Variants in FLT3 observed in about 807,000 individuals in gnomAD.
FLT3 encodes receptor-type tyrosine-protein kinase FLT3.
FLT3 carries 46 observed loss-of-function variants against 126.6 expected under a neutral mutation model. That is an observed-to-expected ratio of 0.36 (90% CI 0.29 to 0.46). The LOEUF is 0.46. FLT3 is among the 20% of genes least tolerant of loss of function. The pLI is 1.00. For missense variants in FLT3, 1,069 were observed against 1,190.3 expected (o/e 0.90, Z 1.50); for synonymous variants, 404 against 434.4 (o/e 0.93, Z 0.87).
intron 1 of FLT3, among the ~76,000 whole-genome samples, chr13:28,077,336 G>A (rs1282691475): frequency 6.6e-6 from 1 of 152,068 alleles, no homozygotes; most frequent in Non-Finnish European, 1.5e-5. Context: ...CACATGGCTG[G>A]GGAGGTTTCA....
At position 28,080,331 on chromosome 13, in the gene FLT3, G is replaced by A. The variant is rs1049521225; in HGVS notation, c.44-9719C>T. On this transcript the variant is annotated intron_variant, in intron 1 of 23. Transcript: ENST00000241453. ...GTGGAGATTGCAGTTGGTGGAGATC[G>A]CACCACTGCTCTCCAGCCTTGGTGA... Among the ~76,000 whole-genome samples the A allele has an allele frequency of 4.6e-5, 7 of 152,264 alleles. No individual in the cohort carries two copies. In the East Asian group the frequency reaches 1.4e-3, roughly 29 times the overall value.
chr13:28,077,990 G>A (rs1434853120), intron 1 of FLT3, among the ~76,000 whole-genome samples: 3 of 152,234 alleles, frequency 2.0e-5, no homozygotes, highest in African/African-American at 7.2e-5. Flanking sequence ...GCATGCTGAT[G>A]CAAGAGGTGG....
chr13:28,091,928 G>A (rs1449430638), intron 1 of FLT3, among the ~76,000 whole-genome samples: 1 of 152,078 alleles, frequency 6.6e-6, no homozygotes, highest in African/African-American at 2.4e-5. Context: ...AAATTAGCCA[G>A]GCGTGGTGGA....
Position 28,003,541 on chromosome 13 carries a change from A to G in FLT3, c.*511T>C, listed in dbSNP as rs766372068. The G allele has an allele frequency of 4.6e-5, 11 of 238,266 alleles. No individual in the cohort carries two copies. The highest frequency in any genetic ancestry group is 7.5e-5 in the Non-Finnish European group (9 of 120,676). The allele number at this position is 238,266 out of a possible 1,614,324, so 14.8% of individuals were successfully genotyped here. On this transcript the variant is annotated 3_prime_UTR_variant, in exon 24 of 24. Coordinates refer to ENST00000241453, the MANE Select transcript of FLT3 (RefSeq NM_004119.3). ...ATGTGTAGGTGGCTATGGGTGCACA[A>G]TTTCAGGGGGTTCGTGAACTCCAGT...
At chr13:28,008,771 GC>G (rs780082531) in intron 23 of FLT3, among the ~76,000 whole-genome samples, 38 of 152,130 alleles carry the variant, frequency 2.5e-4, no homozygotes, top group South Asian at 1.5e-3. Flanking sequence ...GAGCTACCAC[GC>G]CTGGCTGATT....
chr13:28,023,780 AATTAAT>A (rs1872593857), intron 18 of FLT3, among the ~76,000 whole-genome samples: 1 of 146,988 alleles, frequency 6.8e-6, no homozygotes, highest in African/African-American at 2.6e-5. Context: ...GTGGGAAAGG[AATTAAT>A]ATTAATTGTC....
chr13:28,098,821 C>A (rs940243617), intron 1 of FLT3, among the ~76,000 whole-genome samples: 1 of 151,554 alleles, frequency 6.6e-6, no homozygotes, highest in Admixed American at 6.6e-5. Context: ...AAGGTTGAAT[C>A]TTATTATTAT....
intron 4 of FLT3, among the ~76,000 whole-genome samples, chr13:28,053,918 A>C (rs1180116127): frequency 6.6e-6 from 1 of 152,042 alleles, no homozygotes; most frequent in Non-Finnish European, 1.5e-5. Context: ...GTGCAATCTC[A>C]GCTCACTACA....
At chr13:28,027,033 C>T in intron 17 of FLT3, 55 bp downstream of exon 17, 2 of 1,512,520 alleles carry the variant, frequency 1.3e-6, no homozygotes, top group Non-Finnish European at 1.8e-6. Flanking sequence ...TTGAACAGCA[C>T]ACTTTGCCTA....
chr13:28,044,918 C>A (rs970341105), intron 9 of FLT3, among the ~76,000 whole-genome samples: 14 of 152,112 alleles, frequency 9.2e-5, no homozygotes, highest in Non-Finnish European at 1.8e-4. Flanking sequence ...ACTTACTGAA[C>A]AAGGCATTGT....
rs2137652637 is a variant in FLT3 at position 28,027,232 on chromosome 13, T to A, written c.2063A>T (p.Tyr688Phe). 1 of 1,609,604 alleles carries A rather than the reference T, an allele frequency of 6.2e-7. No individual in the cohort carries two copies. Among genetic ancestry groups the A allele is most frequent in the Non-Finnish European group, 8.5e-7 (1 of 1,177,778 alleles). Residue 688 changes from tyrosine to phenylalanine, a missense_variant, in exon 17 of 24, where the codon TAC becomes TTC. Tyr to Phe is a conservative substitution (Grantham distance 22, BLOSUM62 3). Coordinates refer to ENST00000241453, the MANE Select transcript of FLT3 (RefSeq NM_004119.3). ...ATAGCAACAGTATTCAAAAATCAAG[T>A]AAATTGGTCCTGAAATAGTTACAGT... is the stretch of plus-strand genomic sequence containing the variant. ...LGACTLSGPI[Y>F]LIFEYCCYGD...
chr13:28,039,044 C>T (rs935822559), intron 9 of FLT3, among the ~76,000 whole-genome samples: 6 of 151,790 alleles, frequency 4.0e-5, no homozygotes, highest in African/African-American at 7.3e-5. Context: ...TGGAGCCTCA[C>T]GGATGAGTTG....
chr13:28,035,369 G>C (rs1291419317), intron 12 of FLT3, 126 bp downstream of exon 12: 1 of 880,848 alleles, frequency 1.1e-6, no homozygotes, highest in Non-Finnish European at 1.7e-6. Flanking sequence ...CCTGACTCAA[G>C]AAACCTTTTC....
chr13:28,025,744 G>C (rs1165023976), intron 17 of FLT3, among the ~76,000 whole-genome samples: 1 of 152,122 alleles, frequency 6.6e-6, no homozygotes, highest in Admixed American at 6.5e-5. Context: ...GCTTTATAGA[G>C]TTCTCATTTC....
chr13:28,090,816 T>C (rs886340211), intron 1 of FLT3, among the ~76,000 whole-genome samples: 1 of 152,028 alleles, frequency 6.6e-6, no homozygotes, highest in Admixed American at 6.6e-5. Context: ...CAAAGGAAAT[T>C]TGCCACCATC....
rs1295433817 is a variant in FLT3, at chr13:28,034,156, T to C, written c.1763A>G (p.Glu588Gly). 6.2e-7 allele frequency: 1 copy of C among 1,613,876 alleles called. No homozygotes were observed. Among genetic ancestry groups the C allele is most frequent in the Non-Finnish European group, 8.5e-7 (1 of 1,179,862 alleles). ...TTCTCTGAAATCAACGTAGAAGTAC[T>C]CATTATCTGAGGAGCCGGTCACCTG... ...MVQVTGSSDN[E>G]YFYVDFREYE... Residue 588 changes from glutamate (E) to glycine (G), a missense_variant, in exon 14 of 24, where the codon GAG becomes GGG. Transcript: ENST00000241453.
At chr13:28,072,562 A>C (rs1256556979) in intron 1 of FLT3, among the ~76,000 whole-genome samples, 1 of 152,028 alleles carries the variant, frequency 6.6e-6, no homozygotes, top group Non-Finnish European at 1.5e-5. Flanking sequence ...ATGCCCAGCT[A>C]ATTTTCGTGT....
chr13:28,028,102 AG>A (rs1872973773), intron 16 of FLT3, 75 bp downstream of exon 16: 2 of 774,760 alleles, frequency 2.6e-6, no homozygotes, highest in Non-Finnish European at 4.7e-6. Context: ...AGAGAGAGAG[AG>A]AGAGAGAGCA....
At chr13:28,056,901 T>C (rs1449438789) in intron 4 of FLT3, among the ~76,000 whole-genome samples, 3 of 152,230 alleles carry the variant, frequency 2.0e-5, no homozygotes, top group Non-Finnish European at 4.4e-5. Flanking sequence ...GAAAGTTCTA[T>C]TGGATCACGC....
Sources: gnomAD v4.1 joint callset for allele counts (sites outside exome capture counted in the v4.1 genomes callset) on GRCh38, gnomAD v4.1.1 for gene constraint, MANE v1.5 for transcripts, NCBI Gene and HGNC (gene_info 2026-07-23, HGNC 2026-07-21) for gene names.